Variants in PTPRN2 observed in about 807,000 individuals in gnomAD.
The protein encoded by PTPRN2 is receptor-type tyrosine-protein phosphatase N2.
PTPRN2 carries 74 observed loss-of-function variants against 118.8 expected under a neutral mutation model. That is an observed-to-expected ratio of 0.62 (90% confidence interval 0.52 to 0.76). The LOEUF (loss-of-function observed/expected upper bound fraction) is 0.76, where lower values mean the gene tolerates loss of function less well. PTPRN2 is among the 30% of genes least tolerant of loss of function. PTPRN2 has a pLI of 0.00. For synonymous variants in PTPRN2, 641 were observed against 608.0 expected (o/e 1.05, Z -0.80); for missense variants, 1,481 against 1,394.4 (o/e 1.06, Z -0.99).
At chr7:157,606,823 G>A (rs1246378188) in intron 15 of PTPRN2, among the ~76,000 whole-genome samples, 3 of 152,150 alleles carry the variant, frequency 2.0e-5, no homozygotes, top group African/African-American at 4.8e-5. Flanking sequence ...GGAAAACTTA[G>A]TGAGTGTTTT....
intron 3 of PTPRN2, among the ~76,000 whole-genome samples, chr7:158,215,545 AC>A (rs1427542960): frequency 6.6e-6 from 1 of 152,200 alleles, no homozygotes; most frequent in Non-Finnish European, 1.5e-5. Flanking sequence ...AACAGGGTAA[AC>A]CCAAATCTCC....
intron 10 of PTPRN2, among the ~76,000 whole-genome samples, chr7:158,089,774 G>GGTCTTCACACACATCCTTCCTCCCCTGAC (rs1813902261): frequency 7.7e-6 from 1 of 129,788 alleles, no homozygotes; most frequent in Non-Finnish European, 1.7e-5. Context: ...ATGAAAAGGG[G>GGTCTTCACACACATCCTTCCTCCCCTGAC]AATGTTCACA....
intron 5 of PTPRN2, among the ~76,000 whole-genome samples, chr7:158,176,213 C>G (rs962326740): frequency 6.6e-6 from 1 of 152,196 alleles, no homozygotes; most frequent in African/African-American, 2.4e-5. Context: ...CAATCCATGT[C>G]CCGTCCACCT....
chr7:158,226,117 T>C (rs1375120268), intron 3 of PTPRN2, among the ~76,000 whole-genome samples: 1 of 152,244 alleles, frequency 6.6e-6, no homozygotes, highest in Non-Finnish European at 1.5e-5. Context: ...GCCTTAACTA[T>C]GAGCCAGCAC....
intron 3 of PTPRN2, among the ~76,000 whole-genome samples, chr7:158,270,798 C>T (rs1422259875): frequency 1.5e-4 from 11 of 72,288 alleles, no homozygotes; most frequent in East Asian, 7.2e-4. Context: ...TCCACCTGGA[C>T]CACCCCCTCA....
At chr7:158,397,394 G>T (rs867660739) in intron 2 of PTPRN2, among the ~76,000 whole-genome samples, 6 of 152,336 alleles carry the variant, frequency 3.9e-5, no homozygotes, top group African/African-American at 1.4e-4. Flanking sequence ...CCGAGCAGTT[G>T]TGAACCAGCC....
At position 158,081,284 on chromosome 7, in the gene PTPRN2, G is replaced by C. The variant is rs142656223; in HGVS notation, c.1723+14C>G. 7.7e-4 allele frequency: 1,241 copies of C among 1,611,376 alleles called. 9 individuals are homozygous for C. The African/African-American group carries it at 0.015, about 19-fold the overall frequency. ...CGTGTGTGTGCGTGTACGTGTGTGT[G>C]GAAACAGCCTCACCTGTGGCCTTCT... On this transcript the variant is annotated intron_variant, in intron 11 of 22. Transcript: ENST00000389418.
chr7:158,050,739 C>A (rs1312886366), intron 11 of PTPRN2, among the ~76,000 whole-genome samples: 2 of 152,260 alleles, frequency 1.3e-5, no homozygotes, highest in African/African-American at 4.8e-5. Context: ...CTGTCCCCCA[C>A]ACGACTCTTC....
At position 157,972,778 on chromosome 7, in the gene PTPRN2, T is replaced by C. The variant is rs1232666948; in HGVS notation, c.1724-74041A>G. 1.1e-3 allele frequency among the ~76,000 whole-genome samples: 107 copies of C among 100,176 alleles called. 2 individuals are homozygous for C. Among genetic ancestry groups the C allele is most frequent in the African/African-American group, 3.1e-3 (79 of 25,542 alleles). The allele number at this position is 100,176 out of a possible 152,430, so 65.7% of individuals were successfully genotyped here. On this transcript the variant is annotated intron_variant, in intron 11 of 22. Transcript: ENST00000389418. ...CACGAGAGCAGGGCTTCAGAGACCA[T>C]GGGAACTCCACACCATGAGAACAGG... is the stretch of plus-strand genomic sequence containing the variant.
chr7:158,547,748 G>A (rs929709048), intron 1 of PTPRN2, among the ~76,000 whole-genome samples: 6 of 152,146 alleles, frequency 3.9e-5, no homozygotes, highest in Non-Finnish European at 8.8e-5. Flanking sequence ...GTCCAGGAAT[G>A]CCTCATCAGC....
At chr7:158,543,348 C>T (rs1460322501) in intron 1 of PTPRN2, among the ~76,000 whole-genome samples, 1 of 152,222 alleles carries the variant, frequency 6.6e-6, no homozygotes, top group Non-Finnish European at 1.5e-5. Context: ...CCACCCACAA[C>T]GGCCGCCCCG....
rs1277472506 is a variant in PTPRN2, at chr7:158,555,163, C to G, written c.112+32395G>C. 6.6e-6 allele frequency among the ~76,000 whole-genome samples: 1 copy of G among 152,190 alleles called. No individual in the cohort carries two copies. The highest frequency in any genetic ancestry group is 1.5e-5 in the Non-Finnish European group (1 of 68,038). ...AAACGGATCTCCGGTGCTCAGCAGACTGATCTACTGCAAATCACCCCCGAC... is the reference window on the plus strand; with the variant it reads ...AAACGGATCTCCGGTGCTCAGCAGAGTGATCTACTGCAAATCACCCCCGAC... On this transcript the variant is annotated intron_variant, in intron 1 of 22. Transcript: ENST00000389418. This position sits in a 1 kb window ranked among gnomAD's most constrained non-coding sequence, Gnocchi z 4.7.
chr7:158,365,574 T>C (rs1341977832), intron 2 of PTPRN2, among the ~76,000 whole-genome samples: 28 of 152,194 alleles, frequency 1.8e-4, no homozygotes. Flanking sequence ...AGAACTGGCA[T>C]GCGTGGAGTC....
intron 12 of PTPRN2, among the ~76,000 whole-genome samples, chr7:157,750,150 G>T (rs190438448): frequency 6.6e-6 from 1 of 151,922 alleles, no homozygotes; most frequent in Non-Finnish European, 1.5e-5. Flanking sequence ...ATCCTTCTTC[G>T]TAATGTGTAT....
Position 157,749,385 on chromosome 7 carries a change from C to G in PTPRN2, c.1789-66448G>C, listed in dbSNP as rs1405296702. Reference sequence around the variant, plus strand: ...TGAGGTGATTCTGTGGCCTGTGTCCCTGAGCTGTGGGGTGTCCGGGTGATT... The same window carrying G: ...TGAGGTGATTCTGTGGCCTGTGTCCGTGAGCTGTGGGGTGTCCGGGTGATT... On this transcript the variant is annotated intron_variant, in intron 12 of 22. Transcript: ENST00000389418. Among the ~76,000 whole-genome samples the G allele has an allele frequency of 1.9e-4, 27 of 143,054 alleles. 3 individuals are homozygous for G. The highest frequency in any genetic ancestry group is 7.0e-4 in the African/African-American group (26 of 36,940). 93.8% of individuals were successfully genotyped at this position (143,054 alleles called of 152,430 possible). A position where few individuals can be genotyped will look rare whatever the true frequency, so the allele number is the denominator to read the frequency against.
chr7:157,776,054 T>C (rs992519409), intron 12 of PTPRN2, among the ~76,000 whole-genome samples: 1 of 150,970 alleles, frequency 6.6e-6, no homozygotes, highest in Non-Finnish European at 1.5e-5. Context: ...ACCTCCTCCC[T>C]CTCCTCCTCC....
chr7:158,171,016 CATAT>C (rs556043592), intron 5 of PTPRN2, among the ~76,000 whole-genome samples: 1 of 146,102 alleles, frequency 6.8e-6, no homozygotes, highest in Admixed American at 6.8e-5. Flanking sequence ...TATACACATA[CATAT>C]ATATACACAT....
At chr7:157,940,710 G>GATCA (rs1255482007) in intron 11 of PTPRN2, among the ~76,000 whole-genome samples, 4 of 40,310 alleles carry the variant, frequency 9.9e-5, no homozygotes, top group African/African-American at 3.4e-4. Flanking sequence ...ACGCCCCCCC[G>GATCA]TGACACTGCA....
intron 1 of PTPRN2, among the ~76,000 whole-genome samples, chr7:158,521,407 C>T (rs1031606153): frequency 1.3e-5 from 2 of 152,202 alleles, no homozygotes; most frequent in African/African-American, 4.8e-5. Context: ...ATTGTTTTTT[C>T]TCCCTGCATC....
Sources: gnomAD v4.1 joint callset for allele counts (sites outside exome capture counted in the v4.1 genomes callset) on GRCh38, gnomAD v4.1.1 for gene constraint, Gnocchi (gnomAD v3.1) non-coding constraint, MANE v1.5 for transcripts, NCBI Gene and HGNC (gene_info 2026-07-23, HGNC 2026-07-21) for gene names.